TYMP: variants seen among roughly 807,000 people sequenced by gnomAD.
The protein encoded by TYMP is thymidine phosphorylase.
A neutral mutation model predicts 42.3 loss-of-function variants in TYMP; 46 were observed. That is an observed-to-expected ratio of 1.09 (90% confidence interval 0.86 to 1.39). The LOEUF is 1.39. TYMP is among the 40% of genes most tolerant of loss of function. The pLI is 0.00. For synonymous variants in TYMP, 363 were observed against 308.0 expected, an observed-to-expected ratio of 1.18 and a Z score of -1.87; for missense variants, 837 against 677.6, an observed-to-expected ratio of 1.24 and a Z score of -2.61.
chr22:50,527,013 G>GC, intron 6 of TYMP, 152 bp downstream of exon 6: 1 of 762,576 alleles, frequency 1.3e-6, no homozygotes, highest in South Asian at 1.6e-5. Flanking sequence ...AGGTTAGGAA[G>GC]CCGTGAAGGA....
intron 3 of TYMP, 96 bp downstream of exon 3, chr22:50,529,040 C>T: frequency 7.6e-7 from 1 of 1,310,814 alleles, no homozygotes; most frequent in Non-Finnish European, 1.1e-6. Flanking sequence ...GTCTTGGAGG[C>T]TTTGGGCCAG....
At chr22:50,529,463 C>T (rs369958953) in intron 2 of TYMP, 33 bp downstream of exon 2, 37 of 1,609,528 alleles carry the variant, frequency 2.3e-5, no homozygotes, top group African/African-American at 1.3e-5. Flanking sequence ...ACCTCCCAGT[C>T]GGGGTCAGGA....
Position 50,529,262 on chromosome 22 carries a change from C to G in TYMP, c.291G>C (p.Gln97His), listed in dbSNP as rs766114705. The G allele has an allele frequency of 3.1e-6, 5 of 1,613,340 alleles. No homozygotes were observed. In the African/African-American group the frequency reaches 5.3e-5, roughly 17 times the overall value. Residue 97 changes from glutamine to histidine, a missense_variant, in exon 3 of 10, where the codon CAG becomes CAC. By Grantham distance (24) the Gln-to-His change is conservative. Coordinates refer to ENST00000252029, the MANE Select transcript of TYMP (RefSeq NM_001953.5). ...ETSVLTQALA[Q>H]SGQQLEWPEA... ...CTGGCCACTCCAGCTGCTGTCCCGA[C>G]TGAGCCAGGGCCTGGGTCAGCACCG... is the stretch of plus-strand genomic sequence containing the variant.
rs1569522365 is a variant in TYMP at position 50,527,299 on chromosome 22, A to G, written c.647-16T>C. 3.8e-6 allele frequency: 6 copies of G among 1,592,790 alleles called. No homozygotes were observed. In the South Asian group the frequency reaches 6.6e-5, roughly 18 times the overall value. Reference sequence around the variant, plus strand: ...AGAATGGAGGCTTTGGGGGAGGCAGAGGAGGTTGGAGACAATGGAGAACCT... The same window carrying G: ...AGAATGGAGGCTTTGGGGGAGGCAGGGGAGGTTGGAGACAATGGAGAACCT... On this transcript the variant is annotated splice_polypyrimidine_tract_variant and intron_variant, in intron 5 of 9. Coordinates refer to ENST00000252029, the MANE Select transcript of TYMP (RefSeq NM_001953.5).
At chr22:50,527,422 G>T in intron 5 of TYMP, 139 bp from the exon 6 acceptor site, 2 of 1,274,056 alleles carry the variant, frequency 1.6e-6, no homozygotes, top group Non-Finnish European at 2.3e-6. Context: ...AGCACCTGGT[G>T]GGTTGAGTAT....
chr22:50,527,476 G>T (rs749618576), intron 5 of TYMP, 112 bp downstream of exon 5: 256 of 1,543,150 alleles, frequency 1.7e-4, no homozygotes, highest in Non-Finnish European at 2.2e-4. Flanking sequence ...TGTGATGGGG[G>T]TAGGGGGGCA....
At position 50,528,635 on chromosome 22, in the gene TYMP, C is replaced by G. The variant is rs543304163; in HGVS notation, c.418-25G>C. 3 of 1,571,918 alleles carry G rather than the reference C, an allele frequency of 1.9e-6. No homozygotes were observed. The Admixed American group carries it at 5.0e-5, about 26-fold the overall frequency. On this transcript the variant is annotated intron_variant, in intron 3 of 9. Transcript: ENST00000252029. Reference sequence around the variant, plus strand: ...CCTGGTGGTCAGGGATGCTGAGTACCCTGCACAGTACCCCTCCCCCACCTC... The same window carrying G: ...CCTGGTGGTCAGGGATGCTGAGTACGCTGCACAGTACCCCTCCCCCACCTC...
intron 3 of TYMP, 144 bp downstream of exon 3, chr22:50,528,992 C>T (rs1003738758): frequency 7.3e-6 from 6 of 824,700 alleles, no homozygotes; most frequent in Admixed American, 2.1e-5. Flanking sequence ...GTGGGGAGAA[C>T]TGTGCTGGGG....
chr22:50,529,398 G>C (rs2148683039), intron 2 of TYMP, 60 bp from the exon 3 acceptor site: 1 of 1,606,046 alleles, frequency 6.2e-7, no homozygotes, highest in African/African-American at 1.3e-5. Context: ...CCCTGGGGCC[G>C]GTGCTGGTAG....
intron 8 of TYMP, 29 bp from the exon 9 acceptor site, chr22:50,526,170 GCTCGGGAAGGGGCGGGGC>G (rs1374581682): frequency 2.3e-5 from 34 of 1,468,314 alleles, no homozygotes; most frequent in Non-Finnish European, 2.4e-5. Flanking sequence ...AGAGGCGCGG[GCTCGGGAAGGGGCGGGGC>G]CTCGGGAAGG....
At position 50,527,639 on chromosome 22, in the gene TYMP, A is replaced by G. The variant is rs1434418446; in HGVS notation, c.595T>C (p.Tyr199His). 3.1e-6 allele frequency: 5 copies of G among 1,613,842 alleles called. No homozygotes were observed. The highest frequency in any genetic ancestry group is 1.3e-5 in the African/African-American group (1 of 74,916). ...GTGGCTGTCACATCTCTGGCTGCATATAGGATTCCGTCCGCAGGAACCAGC... is the reference window on the plus strand; with the variant it reads ...GTGGCTGTCACATCTCTGGCTGCATGTAGGATTCCGTCCGCAGGAACCAGC... ...EQLVPADGIL[Y>H]AARDVTATVD... The change falls in exon 5 of 10, where the codon TAT becomes CAT. Residue 199 changes from tyrosine (Y) to histidine (H), a missense_variant. By Grantham distance (83) the Tyr-to-His change is moderately conservative. Coordinates refer to ENST00000252029, the MANE Select transcript of TYMP (RefSeq NM_001953.5).
intron 6 of TYMP, 150 bp from the exon 7 acceptor site, chr22:50,526,888 A>C (rs765111260): frequency 1.2e-6 from 1 of 850,722 alleles, no homozygotes; most frequent in Admixed American, 2.6e-5. Context: ...ACACGAGTGA[A>C]GTGCGACACC....
At position 50,525,778 on chromosome 22, in the gene TYMP, G is replaced by A. The variant is rs200735968; in HGVS notation, c.1441C>T (p.Gln481Ter). 383 of 1,610,684 alleles carry A rather than the reference G, an allele frequency of 2.4e-4. No homozygotes were observed. Among genetic ancestry groups the A allele is most frequent in the Non-Finnish European group, 3.1e-4 (364 of 1,178,978 alleles). Residue 481 changes from glutamine to a stop codon, truncating the protein, a stop_gained, in exon 10 of 10, where the codon CAG (glutamine) becomes TAG (stop). Coordinates refer to ENST00000252029, the MANE Select transcript of TYMP (RefSeq NM_001953.5). LOFTEE classifies it high-confidence loss of function. The part of the protein sequence containing the change: ...SPFAELVLPP[Q>*]Q ...TTCGCGGCAAAGGAGCTTTATTGCT[G>A]CGGCGGCAGAACGAGCTCTGCGAAG...
rs1401643572 is a variant in TYMP, at chr22:50,528,507, C to T, written c.516+5G>A. ...GATTAATGACTGATCCGTGGCGCCC[C>T]GTACCTGCTCTGGGCTCTGGATGAC... On this transcript the variant is annotated splice_donor_5th_base_variant and intron_variant, in intron 4 of 9. Transcript: ENST00000252029. The T allele has an allele frequency of 3.1e-6, 5 of 1,612,988 alleles. No homozygotes were observed. Among genetic ancestry groups the T allele is most frequent in the African/African-American group, 2.7e-5 (2 of 74,886 alleles).
At chr22:50,526,773 G>A in intron 6 of TYMP, 35 bp from the exon 7 acceptor site, 1 of 1,528,624 alleles carries the variant, frequency 6.5e-7, no homozygotes, top group Non-Finnish European at 8.8e-7. Flanking sequence ...ACCCCCCATG[G>A]CGGGGCCTTC....
chr22:50,525,763 A>T lies in TYMP; in HGVS notation c.*7T>A. 1 of 1,610,410 alleles carries T rather than the reference A, an allele frequency of 6.2e-7. No individual in the cohort carries two copies. Among genetic ancestry groups the T allele is most frequent in the Non-Finnish European group, 8.5e-7 (1 of 1,178,792 alleles). ...AAGCACTGACAAGGTTTCGCGGCAA[A>T]GGAGCTTTATTGCTGCGGCGGCAGA... On this transcript the variant is annotated 3_prime_UTR_variant, in exon 10 of 10. Coordinates refer to ENST00000252029, the MANE Select transcript of TYMP (RefSeq NM_001953.5).
At chr22:50,528,443 C>T (rs1603441991) in intron 4 of TYMP, 69 bp downstream of exon 4, 22 of 1,341,958 alleles carry the variant, frequency 1.6e-5, no homozygotes, top group East Asian at 4.7e-5. Flanking sequence ...CACCAGTGAT[C>T]TTTTAGTGAT....
In TYMP at chr22:50,526,017, A is replaced by G. The variant is rs1138404; in HGVS notation, c.1284T>C (p.Gly428=). The change falls in exon 9 of 10, where the codon GGT becomes GGC. Residue 428 remains glycine, a synonymous_variant. Coordinates refer to ENST00000252029, the MANE Select transcript of TYMP (RefSeq NM_001953.5). The part of the protein sequence containing the change: ...GVGAELLVDV[G]QRLRRGTPWL... ...GGCGCTCACCACGGCGCAGCCTCTG[A>G]CCCACGTCGACCAGCAGCTCTGCGC... 6.8e-7 allele frequency: 1 copy of G among 1,470,490 alleles called. No individual in the cohort carries two copies. Among genetic ancestry groups the G allele is most frequent in the Admixed American group, 2.4e-5 (1 of 41,866 alleles). 91.1% of individuals were successfully genotyped at this position (1,470,490 alleles called of 1,614,324 possible).
In TYMP at chr22:50,525,929, A is replaced by AG. The variant is rs1064795503; in HGVS notation, c.1301-12dup. On this transcript the variant is annotated splice_polypyrimidine_tract_variant and intron_variant, in intron 9 of 9. Transcript: ENST00000252029. Reference sequence around the variant, plus strand: ...GGAGCCAGGGGGTCCCTGCAGAGCGAGGGGCTGTTAGAGGCCGCGCGGCCG... The same window carrying AG: ...GGAGCCAGGGGGTCCCTGCAGAGCGAGGGGGCTGTTAGAGGCCGCGCGGCCG... 31 of 1,465,198 alleles carry AG rather than the reference A, an allele frequency of 2.1e-5. No individual in the cohort carries two copies. The highest frequency in any genetic ancestry group is 2.7e-5 in the South Asian group (2 of 73,716). 90.8% of individuals were successfully genotyped at this position (1,465,198 alleles called of 1,614,324 possible).
Sources: allele counts gnomAD v4.1 joint callset, GRCh38; gene constraint gnomAD v4.1.1; transcripts MANE v1.5; gene names NCBI Gene and HGNC (gene_info 2026-07-23, HGNC 2026-07-21).